Variants in SND1 observed in about 807,000 individuals in gnomAD.
SND1 encodes staphylococcal nuclease domain-containing protein 1.
A neutral mutation model predicts 121.7 loss-of-function variants in SND1; 38 were observed. That is an observed-to-expected ratio of 0.31 (90% CI 0.24 to 0.41). The LOEUF is 0.41. Ranked by LOEUF, SND1 falls within the 10% of genes least tolerant of loss-of-function variation. The pLI, the probability that SND1 is intolerant of heterozygous loss-of-function variation, is 1.00. For synonymous variants in SND1, 401 were observed against 447.4 expected (o/e 0.90, Z 1.31); for missense variants, 868 against 1,184.6 (o/e 0.73, Z 3.92).
chr7:127,949,761 A>G (rs1801419278), intron 15 of SND1, among the ~76,000 whole-genome samples: 1 of 152,176 alleles, frequency 6.6e-6, no homozygotes, highest in African/African-American at 2.4e-5. Flanking sequence ...ACAGGGTGAA[A>G]TGTGGGTTAG....
chr7:127,925,600 G>A (rs1269996093), intron 14 of SND1, among the ~76,000 whole-genome samples: 1 of 151,342 alleles, frequency 6.6e-6, no homozygotes, highest in African/African-American at 2.4e-5. Flanking sequence ...TATGGTTGTG[G>A]GTGTTTCTTT....
Position 127,686,738 on chromosome 7 carries a change from T to G in SND1, c.204T>G (p.Pro68=), listed in dbSNP as rs776342046. The G allele has an allele frequency of 1.9e-6, 3 of 1,614,040 alleles. No individual in the cohort carries two copies. The highest frequency in any genetic ancestry group is 1.7e-6 in the Non-Finnish European group (2 of 1,179,880). ...CTCGCCGGGCAGCCGCCACACAACC[T>G]GATGCAAAGGATACCCCTGATGAGG... ...NLARRAAATQ[P]DAKDTPDEPW... is the part of the protein sequence containing the mutation. Residue 68 remains proline, a synonymous_variant, in exon 2 of 24, where the codon CCT becomes CCG. Transcript: ENST00000354725.
chr7:128,084,320 A>G (rs1793653915), intron 18 of SND1, among the ~76,000 whole-genome samples: 1 of 152,190 alleles, frequency 6.6e-6, no homozygotes, highest in South Asian at 2.1e-4. Flanking sequence ...CCTTGCAGGA[A>G]TGGGGTACGG....
intron 16 of SND1, among the ~76,000 whole-genome samples, chr7:128,018,095 C>A (rs1325711271): frequency 6.6e-6 from 1 of 152,264 alleles, no homozygotes; most frequent in Non-Finnish European, 1.5e-5. Context: ...TCACACCTCA[C>A]TGCAGCTTTG....
chr7:127,771,640 CT>C (rs1395263904), intron 10 of SND1, among the ~76,000 whole-genome samples: 1 of 152,106 alleles, frequency 6.6e-6, no homozygotes. Flanking sequence ...AAGCACCCCC[CT>C]ATACACATAC....
At chr7:127,951,803 G>A (rs1801468762) in intron 15 of SND1, among the ~76,000 whole-genome samples, 1 of 152,066 alleles carries the variant, frequency 6.6e-6, no homozygotes, top group Non-Finnish European at 1.5e-5. Context: ...AGTGACCTTA[G>A]GTGTTGTCTT....
chr7:127,817,434 A>T (rs1798464486), intron 11 of SND1, among the ~76,000 whole-genome samples: 1 of 152,162 alleles, frequency 6.6e-6, no homozygotes, highest in Admixed American at 6.5e-5. Flanking sequence ...TGTCTATGCC[A>T]TCTTGCAGAT....
At chr7:128,089,928 T>G in intron 22 of SND1, 1 of 504,968 alleles carries the variant, frequency 2.0e-6, no homozygotes, top group Non-Finnish European at 3.6e-6. Flanking sequence ...AGCGGAAAGC[T>G]TCCCTCCCCA....
intron 15 of SND1, among the ~76,000 whole-genome samples, chr7:127,960,561 A>G (rs950507212): frequency 9.2e-5 from 14 of 152,240 alleles, no homozygotes; most frequent in African/African-American, 3.1e-4. Context: ...GAGGTTAAGT[A>G]ATGATGAATA....
chr7:127,788,891 T>G (rs1045602084), intron 10 of SND1, among the ~76,000 whole-genome samples: 4 of 152,236 alleles, frequency 2.6e-5, no homozygotes, highest in African/African-American at 9.7e-5. Context: ...TATCATCTCA[T>G]GAAGCATATC....
At chr7:127,681,453 G>A (rs1285573275) in intron 1 of SND1, among the ~76,000 whole-genome samples, 1 of 151,940 alleles carries the variant, frequency 6.6e-6, no homozygotes, top group African/African-American at 2.4e-5. Context: ...TTTCTTTCTT[G>A]ATAGTGTCCA....
chr7:128,041,513 G>A (rs564855446), intron 16 of SND1, among the ~76,000 whole-genome samples: 1 of 152,172 alleles, frequency 6.6e-6, no homozygotes, highest in Non-Finnish European at 1.5e-5. Context: ...GTTTTTAGAG[G>A]CAACTCTGTC....
chr7:127,746,644 T>C (rs1467047596), intron 10 of SND1, among the ~76,000 whole-genome samples: 1 of 152,206 alleles, frequency 6.6e-6, no homozygotes, highest in African/African-American at 2.4e-5. Context: ...TTGGGAGATA[T>C]TTTGATTGGC....
At position 128,089,618 on chromosome 7, in the gene SND1, G is replaced by A. The variant is rs1747776433; in HGVS notation, c.2548G>A (p.Asp850Asn). Residue 850 changes from aspartate (D) to asparagine (N), a missense_variant, in exon 22 of 24, where the codon GAT (aspartate) becomes AAT (asparagine). Around this residue, in one of 2 missense-constraint regions of SND1, gnomAD observed 743 missense variants for 1,071.3 expected, o/e 0.69. Coordinates refer to ENST00000354725, the MANE Select transcript of SND1 (RefSeq NM_014390.4). Reference protein sequence around the residue: ...VTLQFADSKGDVGLGLVKEGL... With the variant: ...VTLQFADSKGNVGLGLVKEGL... The stretch of plus-strand genomic sequence containing the variant: ...CCTGCAGTTTGCAGATTCCAAGGGC[G>A]ATGTGGGGCTGGGCTTGGTGAAGGA... The A allele has an allele frequency of 1.9e-6, 3 of 1,614,232 alleles. No individual in the cohort carries two copies. The highest frequency in any genetic ancestry group is 2.2e-5 in the East Asian group (1 of 44,876).
intron 1 of SND1, among the ~76,000 whole-genome samples, chr7:127,670,349 C>T (rs1587582589): frequency 6.6e-6 from 1 of 151,936 alleles, no homozygotes; most frequent in Admixed American, 6.6e-5. Context: ...AACTCCTTGG[C>T]TCAAGCCATC....
intron 15 of SND1, among the ~76,000 whole-genome samples, chr7:127,964,281 G>C (rs1259780271): frequency 1.3e-5 from 2 of 150,096 alleles, no homozygotes; most frequent in Non-Finnish European, 3.0e-5. Context: ...TGTCAATTTT[G>C]GCTTTTGTTG....
chr7:128,077,093 G>A (rs1253996301), intron 17 of SND1, among the ~76,000 whole-genome samples: 1 of 152,196 alleles, frequency 6.6e-6, no homozygotes, highest in Non-Finnish European at 1.5e-5. Context: ...CCCTGCACAG[G>A]GCTGGATTGG....
chr7:127,850,456 T>C (rs1381887846), intron 12 of SND1, among the ~76,000 whole-genome samples: 1 of 152,196 alleles, frequency 6.6e-6, no homozygotes, highest in Non-Finnish European at 1.5e-5. Flanking sequence ...AAAGTATGGT[T>C]ACAGTGTTAA....
At chr7:127,674,324 T>C (rs1248277122) in intron 1 of SND1, among the ~76,000 whole-genome samples, 1 of 152,222 alleles carries the variant, frequency 6.6e-6, no homozygotes, top group Non-Finnish European at 1.5e-5. Context: ...CACACATGTA[T>C]CTCTCTATTT....
Sources: allele counts gnomAD v4.1 joint callset (sites outside exome capture counted in the v4.1 genomes callset), GRCh38; gene constraint gnomAD v4.1.1; regional missense constraint gnomAD v4.1.1; transcripts MANE v1.5; gene names NCBI Gene and HGNC (gene_info 2026-07-23, HGNC 2026-07-21).